Variants in PITPNM2 observed in about 807,000 individuals in gnomAD.
PITPNM2 encodes the protein membrane-associated phosphatidylinositol transfer protein 2.
In PITPNM2, 35 loss-of-function variants were observed where a neutral mutation model predicts 132.2. The ratio of observed to expected loss-of-function variants is 0.26; its 90% CI spans 0.20 to 0.35. The LOEUF (loss-of-function observed/expected upper bound fraction) is 0.35. Among genes scored for constraint, PITPNM2 ranks in the 10% least tolerant of loss-of-function variants. The probability of loss-of-function intolerance (pLI) is 1.00; values close to 1 mark genes in which losing one functional copy is unlikely to be tolerated. For missense variants in PITPNM2, 1,332 were observed against 1,912.0 expected (o/e 0.70, Z 5.66); for synonymous variants, 738 against 799.2 (o/e 0.92, Z 1.29).
intron 1 of PITPNM2, among the ~76,000 whole-genome samples, chr12:123,145,538 C>T (rs1423787592): frequency 1.3e-5 from 2 of 152,204 alleles, no homozygotes; most frequent in Non-Finnish European, 2.9e-5. Context: ...ACTTCAGAGG[C>T]AATGGCACTC....
chr12:123,073,632 T>A (rs1256631390), intron 2 of PITPNM2, among the ~76,000 whole-genome samples: 1 of 152,222 alleles, frequency 6.6e-6, no homozygotes, highest in Admixed American at 6.5e-5. Context: ...GACCCCACGA[T>A]GCAGACTGTC....
chr12:123,102,608 A>G (rs1449450809), intron 2 of PITPNM2, among the ~76,000 whole-genome samples: 2 of 152,236 alleles, frequency 1.3e-5, no homozygotes, highest in Non-Finnish European at 1.5e-5. Flanking sequence ...AGGAGTGTAA[A>G]GACGACAACT....
At chr12:122,989,696 G>T in intron 18 of PITPNM2, 91 bp downstream of exon 18, 1 of 1,237,224 alleles carries the variant, frequency 8.1e-7, no homozygotes. Context: ...CTGTTAGGCC[G>T]AAGCGGGGGT....
At chr12:123,053,719 C>G (rs2040934927) in intron 2 of PITPNM2, among the ~76,000 whole-genome samples, 1 of 152,098 alleles carries the variant, frequency 6.6e-6, no homozygotes. Context: ...AGGCATGTGC[C>G]ACCACGCCCG....
intron 2 of PITPNM2, among the ~76,000 whole-genome samples, chr12:123,056,777 G>A (rs1343840386): frequency 1.3e-5 from 2 of 152,140 alleles, no homozygotes; most frequent in African/African-American, 4.8e-5. Flanking sequence ...GCCCAATCAG[G>A]GGTCCTGTGC....
rs371807377 is a variant in PITPNM2, at chr12:123,014,006, C to T, written c.115G>A (p.Gly39Ser). Residue 39 changes from glycine to serine, a missense_variant, in exon 4 of 26, where the codon GGC (glycine) becomes AGC (serine). Coordinates refer to ENST00000320201, the MANE Select transcript of PITPNM2 (RefSeq NM_020845.3). ...SRNETYGEGSGVEILENRPYT... is the reference protein window; with the variant it reads ...SRNETYGEGSSVEILENRPYT... ...GGCCGGTTCTCCAGGATCTCCACGCCGCTGCCTTCGCCATATGTCTCGTTA... is the reference window on the plus strand; with the variant it reads ...GGCCGGTTCTCCAGGATCTCCACGCTGCTGCCTTCGCCATATGTCTCGTTA... The T allele has an allele frequency of 3.1e-6, 5 of 1,614,144 alleles. No individual in the cohort carries two copies. The highest frequency in any genetic ancestry group is 2.7e-5 in the African/African-American group (2 of 74,948).
chr12:123,016,775 G>A (rs1271550397), intron 3 of PITPNM2, among the ~76,000 whole-genome samples: 2 of 152,224 alleles, frequency 1.3e-5, no homozygotes, highest in African/African-American at 4.8e-5. Flanking sequence ...GCCAGGTGCG[G>A]TGGCTCACGC....
At position 122,992,815 on chromosome 12, in the gene PITPNM2, T is replaced by C; in HGVS notation, c.2234-146A>G. 1.6e-6 allele frequency: 1 copy of C among 616,286 alleles called. No homozygotes were observed. The highest frequency in any genetic ancestry group is 2.1e-5 in the South Asian group (1 of 48,308). 38.2% of individuals were successfully genotyped at this position (616,286 alleles called of 1,614,324 possible). A position where few individuals can be genotyped will look rare whatever the true frequency, so the allele number is the denominator to read the frequency against. On this transcript the variant is annotated intron_variant, in intron 15 of 25. Coordinates refer to ENST00000320201, the MANE Select transcript of PITPNM2 (RefSeq NM_020845.3). This position sits in a 1 kb window ranked among gnomAD's most constrained non-coding sequence, Gnocchi z 6.5. ...GTGTCTCTATCAATTTGGGACCTGT[T>C]TGGGTCATTGTCACTTTTTTGTTTG...
rs574443952 is a variant in PITPNM2 at position 123,041,495 on chromosome 12, A to G, written c.-95-6810T>C. ...CCTGGTTGAGCTGAGGCCAGGGAGC[A>G]TGGCAGACCCTCCCGTATCAGAGCA... On this transcript the variant is annotated intron_variant, in intron 2 of 25. Transcript: ENST00000320201. Among the ~76,000 whole-genome samples, 5 of 152,262 alleles carry G rather than the reference A, an allele frequency of 3.3e-5. No homozygotes were observed. In the East Asian group the frequency reaches 5.8e-4, roughly 18 times the overall value.
intron 1 of PITPNM2, among the ~76,000 whole-genome samples, chr12:123,136,215 C>T (rs978748518): frequency 6.6e-5 from 10 of 151,380 alleles, no homozygotes; most frequent in South Asian, 2.1e-4. Context: ...GGCAGGAGAA[C>T]GGCGTGAACC....
At chr12:123,018,297 T>TC (rs1345883108) in intron 3 of PITPNM2, among the ~76,000 whole-genome samples, 7 of 37,398 alleles carry the variant, frequency 1.9e-4, no homozygotes, top group South Asian at 2.4e-3. Flanking sequence ...TCTTTTCTTT[T>TC]TTTTTTTTTT....
chr12:123,055,290 T>A (rs2040986400), intron 2 of PITPNM2, among the ~76,000 whole-genome samples: 1 of 152,200 alleles, frequency 6.6e-6, no homozygotes, highest in Non-Finnish European at 1.5e-5. Flanking sequence ...TAAAGTCCAG[T>A]GTTCCCAACG....
intron 16 of PITPNM2, among the ~76,000 whole-genome samples, chr12:122,991,514 C>T (rs564965496): frequency 6.6e-6 from 1 of 152,346 alleles, no homozygotes; most frequent in East Asian, 1.9e-4. Flanking sequence ...CTGAGACGGC[C>T]TCTGCTGTCT....
intron 2 of PITPNM2, among the ~76,000 whole-genome samples, chr12:123,056,029 T>G (rs1227372288): frequency 1.3e-5 from 2 of 152,246 alleles, no homozygotes; most frequent in Non-Finnish European, 2.9e-5. Flanking sequence ...GGTTCTTTCC[T>G]GTGGTGTTAA....
rs2136478454 is a variant in PITPNM2, at chr12:123,036,201, G to GCTTTACTTA, written c.-95-1517_-95-1516insTAAGTAAAG. ...ATCACCCAGGTGCTAAAGCATTACT[G>GCTTTACTTA]GGTAGCTAACAAGGTTGAGAAAAAC... On this transcript the variant is annotated intron_variant, in intron 2 of 25. Transcript: ENST00000320201. This position sits in a 1 kb window ranked among gnomAD's most constrained non-coding sequence, Gnocchi z 4.1. 6.6e-6 allele frequency among the ~76,000 whole-genome samples: 1 copy of GCTTTACTTA among 152,308 alleles called. No homozygotes were observed. Among genetic ancestry groups the GCTTTACTTA allele is most frequent in the African/African-American group, 2.4e-5 (1 of 41,554 alleles).
rs2039081766 is a variant in PITPNM2 at position 123,009,393 on chromosome 12, C to G, written c.643+457G>C. On this transcript the variant is annotated intron_variant, in intron 6 of 25. Coordinates refer to ENST00000320201, the MANE Select transcript of PITPNM2 (RefSeq NM_020845.3). The surrounding 1 kb of genome is among the most constrained non-coding windows in gnomAD (Gnocchi z 4.8). ...CTATGATGTCTGAGACACCCTGCTC[C>G]TGGGAGCTTCCAGCCCAGTGAGGGA... 6.6e-6 allele frequency among the ~76,000 whole-genome samples: 1 copy of G among 152,196 alleles called. No homozygotes were observed. Among genetic ancestry groups the G allele is most frequent in the African/African-American group, 2.4e-5 (1 of 41,444 alleles).
intron 3 of PITPNM2, among the ~76,000 whole-genome samples, chr12:123,016,598 A>AAAAC (rs80163386): frequency 0.78 from 117,484 of 151,352 alleles, 45,731 homozygotes; most frequent in East Asian, 0.86. Context: ...AACAAACAAA[A>AAAAC]AAACAAAAAA....
At chr12:123,047,194 C>A (rs1368838965) in intron 2 of PITPNM2, among the ~76,000 whole-genome samples, 1 of 152,220 alleles carries the variant, frequency 6.6e-6, no homozygotes, top group Non-Finnish European at 1.5e-5. Flanking sequence ...GGATACAACA[C>A]AAGCTAACAG....
chr12:123,020,814 G>A (rs1032473695), intron 3 of PITPNM2, among the ~76,000 whole-genome samples: 12 of 152,122 alleles, frequency 7.9e-5, no homozygotes, highest in Middle Eastern at 3.4e-3. Flanking sequence ...CCTGAGGTCA[G>A]GAGTTCGAGA....
Sources: allele counts gnomAD v4.1 joint callset (sites outside exome capture counted in the v4.1 genomes callset), GRCh38; gene constraint gnomAD v4.1.1; non-coding constraint Gnocchi (gnomAD v3.1); transcripts MANE v1.5; gene names NCBI Gene and HGNC (gene_info 2026-07-23, HGNC 2026-07-21).